The following ST6GALNAC3 variants were observed in gnomAD, a reference collection of about 807,000 sequenced individuals.
ST6GALNAC3 encodes ST6 N-acetylgalactosaminide alpha-2,6-sialyltransferase 3, also known as alpha-N-acetylgalactosaminide alpha-2,6-sialyltransferase 3.
ST6GALNAC3 carries 25 observed loss-of-function variants against 32.7 expected under a neutral mutation model. The ratio of observed to expected loss-of-function variants is 0.76; its 90% CI spans 0.56 to 1.07. The LOEUF (loss-of-function observed/expected upper bound fraction) is 1.07. Ranked by LOEUF, ST6GALNAC3 falls within the 50% of genes least tolerant of loss-of-function variation. The pLI, the probability that ST6GALNAC3 is intolerant of heterozygous loss-of-function variation, is 0.00. For synonymous variants in ST6GALNAC3, 129 were observed against 133.1 expected (o/e 0.97, Z 0.21); for missense variants, 355 against 382.4 (o/e 0.93, Z 0.60).
intron 3 of ST6GALNAC3, among the ~76,000 whole-genome samples, chr1:76,586,029 G>A (rs1285792436): frequency 6.6e-6 from 1 of 152,128 alleles, no homozygotes; most frequent in Non-Finnish European, 1.5e-5. Context: ...TTCTGACGAG[G>A]CCACGGGCTC....
intron 2 of ST6GALNAC3, among the ~76,000 whole-genome samples, chr1:76,410,575 G>T (rs959343690): frequency 6.6e-6 from 1 of 152,008 alleles, no homozygotes; most frequent in Non-Finnish European, 1.5e-5. Flanking sequence ...CACCCAACTT[G>T]AATATAAGCT....
rs746114751 is a variant in ST6GALNAC3 at position 76,632,457 on chromosome 1, A to T, written c.*3651A>T. ...TTCATTCACACTGAAGTAAATGAAC[A>T]TTGGTCCTCCTATTCAAATAAGCCA... is the stretch of plus-strand genomic sequence containing the variant. On this transcript the variant is annotated 3_prime_UTR_variant, in exon 5 of 5. Transcript: ENST00000328299. 2 of 152,178 alleles carry T rather than the reference A, an allele frequency of 1.3e-5. No homozygotes were observed. Among genetic ancestry groups the T allele is most frequent in the Non-Finnish European group, 2.9e-5 (2 of 68,020 alleles). 9.4% of individuals were successfully genotyped at this position (152,178 alleles called of 1,614,324 possible).
intron 3 of ST6GALNAC3, among the ~76,000 whole-genome samples, chr1:76,457,847 C>G (rs1312150902): frequency 6.7e-6 from 1 of 149,982 alleles, no homozygotes; most frequent in Admixed American, 6.6e-5. Context: ...GTCTAAAACA[C>G]CAAAAGCAAT....
chr1:76,086,873 G>T (rs1197307541), intron 1 of ST6GALNAC3, among the ~76,000 whole-genome samples: 1 of 152,102 alleles, frequency 6.6e-6, no homozygotes, highest in African/African-American at 2.4e-5. Flanking sequence ...ACTTGTGTTT[G>T]TTCTTTTATT....
At chr1:76,494,429 G>GTGTGTA (rs1434515507) in intron 3 of ST6GALNAC3, among the ~76,000 whole-genome samples, 1 of 53,420 alleles carries the variant, frequency 1.9e-5, no homozygotes, top group African/African-American at 6.3e-5. Context: ...GTGTGCATGT[G>GTGTGTA]TATATATATA....
intron 2 of ST6GALNAC3, among the ~76,000 whole-genome samples, chr1:76,381,195 A>G (rs1217326473): frequency 6.6e-6 from 1 of 151,466 alleles, no homozygotes; most frequent in African/African-American, 2.4e-5. Context: ...AAGAAAAAAA[A>G]AAAGACCACT....
intron 3 of ST6GALNAC3, among the ~76,000 whole-genome samples, chr1:76,548,780 C>T (rs1256476786): frequency 1.3e-5 from 2 of 152,130 alleles, no homozygotes; most frequent in African/African-American, 2.4e-5. Flanking sequence ...CCCTCTCCTA[C>T]CCCCCATTTA....
chr1:76,238,517 T>TTTTCATGTCTC (rs1656785021), intron 1 of ST6GALNAC3, among the ~76,000 whole-genome samples: 1 of 151,942 alleles, frequency 6.6e-6, no homozygotes, highest in Non-Finnish European at 1.5e-5. Flanking sequence ...CACTGGACAT[T>TTTTCATGTCTC]CCGAGACATA....
chr1:76,554,175 A>G (rs1664788466), intron 3 of ST6GALNAC3, among the ~76,000 whole-genome samples: 1 of 152,220 alleles, frequency 6.6e-6, no homozygotes, highest in Non-Finnish European at 1.5e-5. Context: ...TTGATTAACT[A>G]TGAAGTAATA....
intron 1 of ST6GALNAC3, among the ~76,000 whole-genome samples, chr1:76,121,062 C>T (rs1320495199): frequency 6.6e-6 from 1 of 152,160 alleles, no homozygotes; most frequent in African/African-American, 2.4e-5. Context: ...TTCCAGCTTT[C>T]CCTTATAGGG....
intron 3 of ST6GALNAC3, among the ~76,000 whole-genome samples, chr1:76,437,609 C>T (rs1165207166): frequency 7.1e-5 from 10 of 141,120 alleles, no homozygotes; most frequent in Admixed American, 7.6e-5. Flanking sequence ...GACGGAGTCT[C>T]GCTCTGTCAT....
intron 1 of ST6GALNAC3, among the ~76,000 whole-genome samples, chr1:76,285,362 G>A (rs1659714615): frequency 6.8e-6 from 1 of 147,508 alleles, no homozygotes; most frequent in Non-Finnish European, 1.5e-5. Context: ...ACAACAGGAG[G>A]CCAGGCCCCT....
intron 1 of ST6GALNAC3, among the ~76,000 whole-genome samples, chr1:76,273,584 T>A (rs183430780): frequency 6.5e-4 from 91 of 138,932 alleles, no homozygotes; most frequent in Middle Eastern, 3.5e-3. Flanking sequence ...ATGAAAACCA[T>A]TTTTTTTTGT....
intron 1 of ST6GALNAC3, among the ~76,000 whole-genome samples, chr1:76,260,996 A>G (rs1302866044): frequency 2.0e-5 from 3 of 151,882 alleles, no homozygotes; most frequent in African/African-American, 7.3e-5. Flanking sequence ...ACACACACAC[A>G]CACACACACA....
At chr1:76,329,324 G>A in intron 2 of ST6GALNAC3, among the ~76,000 whole-genome samples, 1 of 152,020 alleles carries the variant, frequency 6.6e-6, no homozygotes, top group East Asian at 1.9e-4. Context: ...AATGCATCCT[G>A]CCCCCATAAC....
At chr1:76,603,209 C>T (rs1270399617) in intron 3 of ST6GALNAC3, among the ~76,000 whole-genome samples, 2 of 152,126 alleles carry the variant, frequency 1.3e-5, no homozygotes, top group East Asian at 3.9e-4. Context: ...ACCTTTCTAC[C>T]TAACAATTCT....
At chr1:76,555,329 G>T (rs1162328366) in intron 3 of ST6GALNAC3, among the ~76,000 whole-genome samples, 1 of 152,106 alleles carries the variant, frequency 6.6e-6, no homozygotes, top group Non-Finnish European at 1.5e-5. Flanking sequence ...TACATAATTG[G>T]AATTGAATTC....
intron 1 of ST6GALNAC3, among the ~76,000 whole-genome samples, chr1:76,271,570 A>G (rs931935744): frequency 5.3e-5 from 8 of 152,240 alleles, no homozygotes; most frequent in African/African-American, 1.7e-4. Flanking sequence ...GTATGTGAGA[A>G]GGAGACAATT....
chr1:76,556,344 G>T (rs1161850992), intron 3 of ST6GALNAC3, among the ~76,000 whole-genome samples: 1 of 152,000 alleles, frequency 6.6e-6, no homozygotes, highest in Admixed American at 6.6e-5. Flanking sequence ...CAACATTCAT[G>T]TACAAGTTTT....
Sources: gnomAD v4.1 joint callset for allele counts (sites outside exome capture counted in the v4.1 genomes callset) on GRCh38, gnomAD v4.1.1 for gene constraint, MANE v1.5 for transcripts, NCBI Gene and HGNC (gene_info 2026-07-23, HGNC 2026-07-21) for gene names.